Variants in MAN2A1 observed in about 807,000 individuals in gnomAD.
MAN2A1 encodes the protein alpha-mannosidase 2.
MAN2A1 carries 76 observed loss-of-function variants against 142.6 expected under a neutral mutation model. That is an observed-to-expected ratio of 0.53 (90% CI 0.44 to 0.65). The LOEUF (loss-of-function observed/expected upper bound fraction) is 0.65, where lower values mean the gene tolerates loss of function less well. MAN2A1 is among the 30% of genes least tolerant of loss of function. The pLI, the probability that MAN2A1 is intolerant of heterozygous loss-of-function variation, is 0.00. For synonymous variants in MAN2A1, 559 were observed against 473.2 expected, an observed-to-expected ratio of 1.18 and a Z score of -2.35; for missense variants, 1,311 against 1,365.1, an observed-to-expected ratio of 0.96 and a Z score of 0.62.
intron 4 of MAN2A1, among the ~76,000 whole-genome samples, chr5:109,748,842 A>G (rs1752473582): frequency 6.6e-6 from 1 of 151,800 alleles, no homozygotes; most frequent in Non-Finnish European, 1.5e-5. Flanking sequence ...TGTGTCAACA[A>G]TGTTCAAAAG....
chr5:109,831,805 A>ATGTGTGTGTG (rs55738132), intron 16 of MAN2A1, among the ~76,000 whole-genome samples: 7 of 144,882 alleles, frequency 4.8e-5, no homozygotes, highest in African/African-American at 1.7e-4. Flanking sequence ...AACAAAAATC[A>ATGTGTGTGTG]TGTGTGTGTG....
intron 1 of MAN2A1, among the ~76,000 whole-genome samples, chr5:109,696,351 G>T (rs1011121619): frequency 6.6e-6 from 1 of 152,072 alleles, no homozygotes; most frequent in Non-Finnish European, 1.5e-5. Context: ...TGCCCGCCTT[G>T]ACCTCCCAAC....
At chr5:109,860,386 C>G (rs776884014) in intron 20 of MAN2A1, among the ~76,000 whole-genome samples, 3 of 152,142 alleles carry the variant, frequency 2.0e-5, no homozygotes, top group Non-Finnish European at 2.9e-5. Flanking sequence ...AATTTTCTAA[C>G]CTTTCCAGCT....
chr5:109,758,281 C>A (rs1026387859), intron 5 of MAN2A1, among the ~76,000 whole-genome samples: 24 of 152,116 alleles, frequency 1.6e-4, no homozygotes, highest in African/African-American at 5.5e-4. Flanking sequence ...ACTAGTGGTA[C>A]TAAGAATCTT....
rs769157286 is a variant in MAN2A1, at chr5:109,823,710, A to G, written c.2452-13A>G. ...CCAAAATATTTTTCTTAAATATATTATTTTCTTTTCAGCCTTATGTTTACA... is the reference window on the plus strand; with the variant it reads ...CCAAAATATTTTTCTTAAATATATTGTTTTCTTTTCAGCCTTATGTTTACA... On this transcript the variant is annotated splice_polypyrimidine_tract_variant and intron_variant, in intron 15 of 21. Transcript: ENST00000261483. 1.5e-6 allele frequency: 2 copies of G among 1,346,808 alleles called. No individual in the cohort carries two copies. The highest frequency in any genetic ancestry group is 1.2e-5 in the South Asian group (1 of 83,018). 83.4% of individuals were successfully genotyped at this position (1,346,808 alleles called of 1,614,324 possible).
chr5:109,791,221 G>C (rs1410921209), intron 12 of MAN2A1, among the ~76,000 whole-genome samples: 1 of 151,650 alleles, frequency 6.6e-6, no homozygotes, highest in Admixed American at 6.6e-5. Flanking sequence ...CTGTAGGTTG[G>C]TAAATTAGGA....
At chr5:109,837,418 C>G (rs1306948958) in intron 16 of MAN2A1, among the ~76,000 whole-genome samples, 8 of 152,056 alleles carry the variant, frequency 5.3e-5, no homozygotes, top group Admixed American at 5.2e-4. Flanking sequence ...CTTCTCTCTA[C>G]TCGCTTACTA....
chr5:109,867,636 A>G lies in MAN2A1; in HGVS notation c.*638A>G, dbSNP rs1366725826. 1 of 152,576 alleles carries G rather than the reference A, an allele frequency of 6.6e-6. No homozygotes were observed. The highest frequency in any genetic ancestry group is 1.5e-5 in the Non-Finnish European group (1 of 68,024). 9.5% of individuals were successfully genotyped at this position (152,576 alleles called of 1,614,324 possible). A position where few individuals can be genotyped will look rare whatever the true frequency, so the allele number is the denominator to read the frequency against. On this transcript the variant is annotated 3_prime_UTR_variant, in exon 22 of 22. Coordinates refer to ENST00000261483, the MANE Select transcript of MAN2A1 (RefSeq NM_002372.4). ...ACCTGATTTTGAATCATTCAACAGT[A>G]GAAAAAGAGGCATATTTTCATTACT...
At chr5:109,746,607 T>A (rs1752413831) in intron 4 of MAN2A1, among the ~76,000 whole-genome samples, 2 of 151,930 alleles carry the variant, frequency 1.3e-5, no homozygotes, top group African/African-American at 4.8e-5. Flanking sequence ...GTCTATTTTT[T>A]AAATTGTAAA....
chr5:109,719,851 G>T (rs539152786), intron 3 of MAN2A1, among the ~76,000 whole-genome samples: 44 of 152,136 alleles, frequency 2.9e-4, no homozygotes, highest in Middle Eastern at 3.4e-3. Flanking sequence ...TCCAAATTAT[G>T]TTACAGTCTG....
At chr5:109,759,654 T>C (rs1752785113) in intron 5 of MAN2A1, among the ~76,000 whole-genome samples, 1 of 152,180 alleles carries the variant, frequency 6.6e-6, no homozygotes, top group African/African-American at 2.4e-5. Context: ...TAAGTTTATG[T>C]TGCAGCTTAT....
chr5:109,806,562 ACTGT>A (rs778235001), intron 12 of MAN2A1, among the ~76,000 whole-genome samples: 12 of 152,192 alleles, frequency 7.9e-5, no homozygotes, highest in Non-Finnish European at 1.5e-4. Context: ...AACAAACATA[ACTGT>A]CTGCCCCAGT....
chr5:109,822,280 C>T (rs1754646496), intron 15 of MAN2A1, among the ~76,000 whole-genome samples: 1 of 151,492 alleles, frequency 6.6e-6, no homozygotes, highest in Non-Finnish European at 1.5e-5. Flanking sequence ...AGTGTTTTCT[C>T]ATTCACCAGC....
At chr5:109,853,904 C>T (rs1306165735) in intron 19 of MAN2A1, 1 of 152,002 alleles carries the variant, frequency 6.6e-6, no homozygotes, top group Non-Finnish European at 1.5e-5. Flanking sequence ...TGCAGTGTCC[C>T]TCTGCTGTCT....
chr5:109,858,003 C>T lies in MAN2A1; in HGVS notation c.3171+2669C>T, dbSNP rs200942933. Among the ~76,000 whole-genome samples the T allele has an allele frequency of 2.1e-4, 32 of 152,326 alleles. 1 individual carries two copies. The East Asian group carries it at 6.0e-3, about 28-fold the overall frequency. On this transcript the variant is annotated intron_variant, in intron 20 of 21. Transcript: ENST00000261483. ...TGTGAAAGCCTTTTGAGAACAAAGG[C>T]ACTCTGTAAACATACCTTGTTATCC... is the stretch of plus-strand genomic sequence containing the variant.
intron 16 of MAN2A1, among the ~76,000 whole-genome samples, chr5:109,835,858 G>A (rs1755042628): frequency 6.6e-6 from 1 of 152,122 alleles, no homozygotes. Context: ...TGCAATTCAG[G>A]GTTGAATTAG....
intron 8 of MAN2A1, among the ~76,000 whole-genome samples, chr5:109,776,888 CGA>C (rs1753307654): frequency 6.6e-6 from 1 of 152,056 alleles, no homozygotes; most frequent in Non-Finnish European, 1.5e-5. Flanking sequence ...ATTATGTTTG[CGA>C]GAGTCATCCA....
rs547146293 is a variant in MAN2A1 at position 109,815,332 on chromosome 5, C to A, written c.1944-1941C>A. Among the ~76,000 whole-genome samples, 15 of 152,156 alleles carry A rather than the reference C, an allele frequency of 9.9e-5. 1 individual carries two copies. Among genetic ancestry groups the A allele is most frequent in the Admixed American group, 4.6e-4 (7 of 15,288 alleles). On this transcript the variant is annotated intron_variant, in intron 12 of 21. Coordinates refer to ENST00000261483, the MANE Select transcript of MAN2A1 (RefSeq NM_002372.4). ...CTCTCAAGAGGGCATCACCCTCCCT[C>A]GCCTTGAGAATTGCTTCTGTGCGTA...
At chr5:109,827,903 C>T (rs1357049686) in intron 16 of MAN2A1, among the ~76,000 whole-genome samples, 2 of 152,040 alleles carry the variant, frequency 1.3e-5, no homozygotes, top group Non-Finnish European at 2.9e-5. Context: ...AGATCAAGAC[C>T]ATCCTGGCTA....
Sources: allele counts gnomAD v4.1 joint callset (sites outside exome capture counted in the v4.1 genomes callset), GRCh38; gene constraint gnomAD v4.1.1; transcripts MANE v1.5; gene names NCBI Gene and HGNC (gene_info 2026-07-23, HGNC 2026-07-21).